The following KLHL6 variants were observed in gnomAD, a reference collection of about 807,000 sequenced individuals.
KLHL6 encodes the protein kelch like family member 6.
In KLHL6, 41 loss-of-function variants were observed where a neutral mutation model predicts 58.6. That is an observed-to-expected ratio of 0.70 (90% CI 0.55 to 0.91). The LOEUF is 0.91. Ranked by LOEUF, KLHL6 falls within the 40% of genes least tolerant of loss-of-function variation. The pLI is 0.00. For synonymous variants in KLHL6, 338 were observed against 322.7 expected (o/e 1.05, Z -0.51); for missense variants, 714 against 805.6 (o/e 0.89, Z 1.38).
chr3:183,534,420 T>C (rs1208189600), intron 1 of KLHL6, among the ~76,000 whole-genome samples: 3 of 152,166 alleles, frequency 2.0e-5, no homozygotes, highest in African/African-American at 7.2e-5. Context: ...TGTTTGTTTT[T>C]TGAGACAGAG....
At chr3:183,495,341 C>T (rs745679839) in intron 4 of KLHL6, among the ~76,000 whole-genome samples, 10 of 151,862 alleles carry the variant, frequency 6.6e-5, no homozygotes, top group Non-Finnish European at 1.2e-4. Context: ...TGAAGTCTGA[C>T]GGAAAAAAAC....
At chr3:183,512,783 G>A (rs1718225144) in intron 2 of KLHL6, among the ~76,000 whole-genome samples, 2 of 151,896 alleles carry the variant, frequency 1.3e-5, no homozygotes, top group South Asian at 4.2e-4. Context: ...GAGCCACCAG[G>A]CCGGGACTAT....
At chr3:183,538,719 C>T (rs1404577921) in intron 1 of KLHL6, among the ~76,000 whole-genome samples, 1 of 152,172 alleles carries the variant, frequency 6.6e-6, no homozygotes, top group Non-Finnish European at 1.5e-5. Flanking sequence ...CATGACATGG[C>T]ATCTCTCTCT....
In KLHL6 at chr3:183,528,870, C is replaced by T. The variant is rs192834162; in HGVS notation, c.294-860G>A. On this transcript the variant is annotated intron_variant, in intron 1 of 6. Coordinates refer to ENST00000341319, the MANE Select transcript of KLHL6 (RefSeq NM_130446.4). ...CGTGTATGTTCATTGCAGCACTATT[C>T]GCAATAGCAAAGACATAGAATCAAC... 6.4e-4 allele frequency among the ~76,000 whole-genome samples: 98 copies of T among 152,182 alleles called. No homozygotes were observed. In the East Asian group the frequency reaches 0.016, roughly 25 times the overall value.
chr3:183,513,576 G>C (rs1217845224), intron 2 of KLHL6, among the ~76,000 whole-genome samples: 1 of 152,150 alleles, frequency 6.6e-6, no homozygotes. Flanking sequence ...AGCAAAGAAG[G>C]AAACCACAGA....
At chr3:183,504,751 T>G (rs1717957827) in intron 3 of KLHL6, among the ~76,000 whole-genome samples, 1 of 152,158 alleles carries the variant, frequency 6.6e-6, no homozygotes, top group African/African-American at 2.4e-5. Flanking sequence ...ATAGGTAAAT[T>G]GTGTGTTGTG....
chr3:183,495,093 C>T (rs1054644479), intron 4 of KLHL6, among the ~76,000 whole-genome samples: 6 of 152,224 alleles, frequency 3.9e-5, no homozygotes, highest in African/African-American at 1.4e-4. Context: ...ATTTACTTTT[C>T]AGACTTACAT....
intron 1 of KLHL6, among the ~76,000 whole-genome samples, chr3:183,552,562 C>CA (rs1447504063): frequency 4.6e-5 from 7 of 151,520 alleles, no homozygotes; most frequent in Non-Finnish European, 8.8e-5. Context: ...ACTAAAAATA[C>CA]AAAAAATTAG....
chr3:183,498,756 T>C (rs1457272441), intron 4 of KLHL6, among the ~76,000 whole-genome samples: 1 of 152,216 alleles, frequency 6.6e-6, no homozygotes, highest in Non-Finnish European at 1.5e-5. Flanking sequence ...GCTATAGTGT[T>C]GCCCCTCATG....
At chr3:183,497,477 C>T (rs765189773) in intron 4 of KLHL6, among the ~76,000 whole-genome samples, 1 of 152,132 alleles carries the variant, frequency 6.6e-6, no homozygotes, top group Non-Finnish European at 1.5e-5. Context: ...ATGACCACAC[C>T]TGTTGATCCC....
At chr3:183,521,394 C>T (rs892569658) in intron 2 of KLHL6, 4 of 152,494 alleles carry the variant, frequency 2.6e-5, no homozygotes, top group African/African-American at 9.7e-5. Flanking sequence ...CTGGGCCAGT[C>T]TTGCCCCCGA....
intron 1 of KLHL6, among the ~76,000 whole-genome samples, chr3:183,549,623 T>C (rs536290876): frequency 1.2e-3 from 182 of 152,286 alleles, no homozygotes; most frequent in Middle Eastern, 6.8e-3. Context: ...ATTCTCCTGC[T>C]TCAGCCTCCC....
intron 2 of KLHL6, among the ~76,000 whole-genome samples, chr3:183,513,900 G>A (rs1264302613): frequency 3.9e-5 from 6 of 152,076 alleles, no homozygotes; most frequent in Non-Finnish European, 7.4e-5. Flanking sequence ...GCCCCAGTGT[G>A]TGATGTTCCC....
chr3:183,539,211 T>G (rs967074795), intron 1 of KLHL6, among the ~76,000 whole-genome samples: 11 of 151,216 alleles, frequency 7.3e-5, no homozygotes, highest in Non-Finnish European at 1.6e-4. Context: ...AGGGAAGATA[T>G]GTTTCGGAAA....
chr3:183,527,758 C>T, intron 2 of KLHL6, 87 bp downstream of exon 2: 1 of 1,179,486 alleles, frequency 8.5e-7, no homozygotes, highest in Non-Finnish European at 1.2e-6. Context: ...CAGGTACAGG[C>T]CTGGGAGCTA....
chr3:183,532,241 G>A (rs80126954), intron 1 of KLHL6, among the ~76,000 whole-genome samples: 2,670 of 152,262 alleles, frequency 0.018, 69 homozygotes, highest in African/African-American at 0.061. Context: ...TCCTGCTCAC[G>A]CACCGAGGAA....
intron 1 of KLHL6, among the ~76,000 whole-genome samples, chr3:183,536,638 T>G (rs1170438037): frequency 6.6e-6 from 1 of 152,084 alleles, no homozygotes; most frequent in Admixed American, 6.6e-5. Context: ...ATAAGCAAGA[T>G]GAAGTACACC....
At chr3:183,549,559 A>C (rs943321687) in intron 1 of KLHL6, among the ~76,000 whole-genome samples, 3 of 152,316 alleles carry the variant, frequency 2.0e-5, no homozygotes, top group South Asian at 2.1e-4. Context: ...CCCCGGCTGG[A>C]GTGCAGTGGC....
Position 183,491,819 on chromosome 3 carries a change from G to A in KLHL6, c.*108C>T, listed in dbSNP as rs1382553302. 3 of 1,002,118 alleles carry A rather than the reference G, an allele frequency of 3.0e-6. No homozygotes were observed. The highest frequency in any genetic ancestry group is 3.3e-5 in the African/African-American group (2 of 61,090). 62.1% of individuals were successfully genotyped at this position (1,002,118 alleles called of 1,614,324 possible). On this transcript the variant is annotated 3_prime_UTR_variant, in exon 7 of 7. Coordinates refer to ENST00000341319, the MANE Select transcript of KLHL6 (RefSeq NM_130446.4). Reference sequence around the variant, plus strand: ...AAGTGAGTCAAGGGGATCCCCTGATGTATGGCCTCAAACTCGAGCCTGCTG... The same window carrying A: ...AAGTGAGTCAAGGGGATCCCCTGATATATGGCCTCAAACTCGAGCCTGCTG...
Sources: allele counts gnomAD v4.1 joint callset (sites outside exome capture counted in the v4.1 genomes callset), GRCh38; gene constraint gnomAD v4.1.1; transcripts MANE v1.5; gene names NCBI Gene and HGNC (gene_info 2026-07-23, HGNC 2026-07-21).